Variants in MAPRE2 observed in about 807,000 individuals in gnomAD.
The protein encoded by MAPRE2 is microtubule associated protein RP/EB family member 2.
MAPRE2 carries 13 observed loss-of-function variants against 43.2 expected under a neutral mutation model. The ratio of observed to expected loss-of-function variants is 0.30; its 90% CI spans 0.20 to 0.48. The LOEUF is 0.48. Among genes scored for constraint, MAPRE2 ranks in the 20% least tolerant of loss-of-function variants. The pLI is 0.99. For synonymous variants in MAPRE2, 135 were observed against 148.8 expected (o/e 0.91, Z 0.68); for missense variants, 161 against 400.2 (o/e 0.40, Z 5.10).
intron 1 of MAPRE2, among the ~76,000 whole-genome samples, chr18:35,001,847 T>A (rs2097029527): frequency 6.6e-6 from 1 of 152,214 alleles, no homozygotes; most frequent in Admixed American, 6.5e-5. Flanking sequence ...TTCTAGTTCC[T>A]GTCCAATTAC....
intron 1 of MAPRE2, among the ~76,000 whole-genome samples, chr18:35,068,912 T>C (rs903910217): frequency 4.6e-5 from 7 of 152,326 alleles, no homozygotes; most frequent in Admixed American, 2.6e-4. Flanking sequence ...GGCTGTTCTA[T>C]TGGTTTCTTC....
chr18:34,986,736 C>T (rs2150572916), intron 1 of MAPRE2, among the ~76,000 whole-genome samples: 1 of 152,292 alleles, frequency 6.6e-6, no homozygotes, highest in African/African-American at 2.4e-5. Context: ...TGACCTTCAG[C>T]ACTTCAAGAT....
intron 1 of MAPRE2, among the ~76,000 whole-genome samples, chr18:35,068,336 T>C (rs542193787): frequency 1.3e-5 from 2 of 152,310 alleles, no homozygotes; most frequent in Admixed American, 6.5e-5. Context: ...GCAAGAAATA[T>C]ACAAGTTGGC....
At chr18:35,062,019 T>G (rs1906558322) in intron 1 of MAPRE2, among the ~76,000 whole-genome samples, 1 of 152,228 alleles carries the variant, frequency 6.6e-6, no homozygotes, top group Non-Finnish European at 1.5e-5. Context: ...ACATTTACAC[T>G]GTCCCTCCCT....
At chr18:35,124,109 A>G (rs1476649683) in intron 4 of MAPRE2, among the ~76,000 whole-genome samples, 1 of 152,170 alleles carries the variant, frequency 6.6e-6, no homozygotes, top group African/African-American at 2.4e-5. Context: ...AGAACTGCCC[A>G]AGACAGGATA....
At chr18:35,004,406 C>T (rs1376752175) in intron 1 of MAPRE2, among the ~76,000 whole-genome samples, 3 of 152,098 alleles carry the variant, frequency 2.0e-5, no homozygotes, top group Non-Finnish European at 2.9e-5. Context: ...AGTTAAGGCT[C>T]ATATGTATAT....
At chr18:35,010,523 A>G (rs2097034034) in intron 2 of MAPRE2, among the ~76,000 whole-genome samples, 1 of 152,212 alleles carries the variant, frequency 6.6e-6, no homozygotes, top group African/African-American at 2.4e-5. Context: ...ATATTGAAAT[A>G]TTGATTTTCT....
At chr18:35,085,232 T>C (rs1907818780) in intron 2 of MAPRE2, among the ~76,000 whole-genome samples, 1 of 152,236 alleles carries the variant, frequency 6.6e-6, no homozygotes, top group African/African-American at 2.4e-5. Context: ...CAGCCTCACT[T>C]TCCTCTTTAG....
rs564513268 is a variant in MAPRE2, at chr18:35,071,993, G to A, written c.250+1671G>A. On this transcript the variant is annotated intron_variant, in intron 2 of 6. Coordinates refer to ENST00000300249, the MANE Select transcript of MAPRE2 (RefSeq NM_014268.4). ...TACAAGATAGAGAAAAGCTGACTTA[G>A]ACTACGATGATGATGTACCAGGCAT... is the stretch of plus-strand genomic sequence containing the variant. Among the ~76,000 whole-genome samples, 78 of 152,292 alleles carry A rather than the reference G, an allele frequency of 5.1e-4. 1 individual carries two copies. The South Asian group carries it at 0.016, about 31-fold the overall frequency.
intron 2 of MAPRE2, among the ~76,000 whole-genome samples, chr18:35,077,274 C>T (rs868452880): frequency 6.5e-5 from 9 of 138,252 alleles, no homozygotes; most frequent in African/African-American, 2.3e-4. Context: ...CACACACATA[C>T]ACACACACAC....
At chr18:35,133,459 T>C (rs1331892644) in intron 6 of MAPRE2, among the ~76,000 whole-genome samples, 4 of 152,160 alleles carry the variant, frequency 2.6e-5, no homozygotes, top group Admixed American at 2.6e-4. Context: ...ATATATGACG[T>C]CCTGTGTGTA....
At chr18:34,990,644 T>C (rs545499738) in intron 1 of MAPRE2, among the ~76,000 whole-genome samples, 1 of 152,306 alleles carries the variant, frequency 6.6e-6, no homozygotes, top group South Asian at 2.1e-4. Flanking sequence ...ACTGATGCCC[T>C]AGGGAATTTT....
intron 6 of MAPRE2, among the ~76,000 whole-genome samples, chr18:35,133,902 C>CCA (rs999920172): frequency 2.6e-5 from 4 of 152,138 alleles, no homozygotes; most frequent in African/African-American, 9.7e-5. Flanking sequence ...CCACCCGACC[C>CCA]CACACACACA....
At chr18:34,980,740 A>G (rs2097015792) in intron 1 of MAPRE2, among the ~76,000 whole-genome samples, 1 of 152,044 alleles carries the variant, frequency 6.6e-6, no homozygotes, top group Non-Finnish European at 1.5e-5. Flanking sequence ...ATTTAACCAC[A>G]CTCTAATGGG....
intron 6 of MAPRE2, among the ~76,000 whole-genome samples, chr18:35,139,576 G>A (rs568515895): frequency 2.4e-4 from 37 of 152,304 alleles, no homozygotes; most frequent in Admixed American, 1.9e-3. Context: ...CATAACGTAA[G>A]CCAAAAGGGC....
chr18:34,994,405 T>TG (rs549407120), intron 1 of MAPRE2, among the ~76,000 whole-genome samples: 13 of 151,992 alleles, frequency 8.6e-5, no homozygotes, highest in African/African-American at 3.1e-4. Flanking sequence ...TTTTGCTTTT[T>TG]TTTTTCTTTT....
chr18:35,001,002 G>A (rs2097029032), intron 1 of MAPRE2, among the ~76,000 whole-genome samples: 1 of 152,118 alleles, frequency 6.6e-6, no homozygotes, highest in South Asian at 2.1e-4. Context: ...GGAGGCAGGT[G>A]GATCACTGGA....
intron 2 of MAPRE2, among the ~76,000 whole-genome samples, chr18:35,019,237 T>A (rs1345764741): frequency 6.6e-6 from 1 of 152,040 alleles, no homozygotes; most frequent in East Asian, 1.9e-4. Context: ...TGAGACACTT[T>A]ATGGCTGAGC....
chr18:35,092,903 C>G (rs1227897631), intron 2 of MAPRE2, among the ~76,000 whole-genome samples: 1 of 152,082 alleles, frequency 6.6e-6, no homozygotes, highest in African/African-American at 2.4e-5. Context: ...CACCTCACCC[C>G]GATTAGAATG....
Sources: allele counts gnomAD v4.1 joint callset (sites outside exome capture counted in the v4.1 genomes callset), GRCh38; gene constraint gnomAD v4.1.1; transcripts MANE v1.5; gene names NCBI Gene and HGNC (gene_info 2026-07-23, HGNC 2026-07-21).